Variants in SORBS2 observed in about 807,000 individuals in gnomAD.
The protein encoded by SORBS2 is sorbin and SH3 domain-containing protein 2.
Under a neutral mutation model 97.7 loss-of-function variants are expected in SORBS2, and 46 were observed. That is an observed-to-expected ratio of 0.47 (90% CI 0.37 to 0.60). The LOEUF (loss-of-function observed/expected upper bound fraction) is 0.60, where lower values mean the gene tolerates loss of function less well. SORBS2 is among the 20% of genes least tolerant of loss of function. SORBS2 has a pLI of 0.00. For missense variants in SORBS2, 1,316 were observed against 1,282.3 expected, an observed-to-expected ratio of 1.03 and a Z score of -0.40; for synonymous variants, 476 against 473.4, an observed-to-expected ratio of 1.01 and a Z score of -0.07.
chr4:185,751,837 A>G (rs190349900), intron 2 of SORBS2, among the ~76,000 whole-genome samples: 6 of 152,254 alleles, frequency 3.9e-5, no homozygotes, highest in African/African-American at 1.4e-4. Context: ...AGCATCGCAA[A>G]CAAGCAGAGT....
At chr4:185,600,549 G>A (rs764754822) in intron 12 of SORBS2, among the ~76,000 whole-genome samples, 1 of 152,130 alleles carries the variant, frequency 6.6e-6, no homozygotes, top group Non-Finnish European at 1.5e-5. Flanking sequence ...ATGTTGGTCA[G>A]GCTGGTCTTG....
chr4:185,694,119 A>C (rs1348368309), intron 2 of SORBS2, among the ~76,000 whole-genome samples: 3 of 152,230 alleles, frequency 2.0e-5, no homozygotes, highest in Non-Finnish European at 4.4e-5. Flanking sequence ...GCACGATTCT[A>C]TTTCCCTTAT....
chr4:185,686,911 A>G (rs2153513280), intron 2 of SORBS2, among the ~76,000 whole-genome samples: 1 of 152,304 alleles, frequency 6.6e-6, no homozygotes, highest in South Asian at 2.1e-4. Flanking sequence ...CACTCAATGA[A>G]CTACTTGCTT....
chr4:185,830,229 A>C (rs1247299740), intron 1 of SORBS2, among the ~76,000 whole-genome samples: 1 of 152,206 alleles, frequency 6.6e-6, no homozygotes, highest in Non-Finnish European at 1.5e-5. Flanking sequence ...AAATAGTGAG[A>C]AAATGCACAT....
At position 185,936,186 on chromosome 4, in the gene SORBS2, G is replaced by A. The variant is rs138509591; in HGVS notation, c.-338+20010C>T. 9.1e-3 allele frequency among the ~76,000 whole-genome samples: 1,380 copies of A among 152,298 alleles called. 16 individuals are homozygous for A. The highest frequency in any genetic ancestry group is 0.02 in the Middle Eastern group (6 of 294). ...CGGTAAGTTTTCAATGAGGAGACACGTGCTATTCAAACTTAGTCCCATATT... is the reference window on the plus strand; with the variant it reads ...CGGTAAGTTTTCAATGAGGAGACACATGCTATTCAAACTTAGTCCCATATT... On this transcript the variant is annotated intron_variant, in intron 1 of 20. Coordinates refer to the SORBS2 transcript ENST00000284776.
chr4:185,621,115 C>T (rs909067129), intron 7 of SORBS2, among the ~76,000 whole-genome samples: 1 of 152,194 alleles, frequency 6.6e-6, no homozygotes, highest in Middle Eastern at 3.4e-3. Context: ...TTAAATATAT[C>T]TAGTTATCCA....
At chr4:185,608,468 A>G (rs1293737313) in intron 12 of SORBS2, among the ~76,000 whole-genome samples, 1 of 151,616 alleles carries the variant, frequency 6.6e-6, no homozygotes, top group African/African-American at 2.4e-5. Flanking sequence ...TATGTAAATC[A>G]GAGGAGGTAT....
intron 1 of SORBS2, among the ~76,000 whole-genome samples, chr4:185,915,781 A>G (rs1420867215): frequency 6.6e-6 from 1 of 152,212 alleles, no homozygotes; most frequent in Non-Finnish European, 1.5e-5. Flanking sequence ...GCAAAGCAAG[A>G]TAAGTGCTCT....
At chr4:185,679,291 A>C (rs1433372891) in intron 2 of SORBS2, among the ~76,000 whole-genome samples, 1 of 152,124 alleles carries the variant, frequency 6.6e-6, no homozygotes, top group African/African-American at 2.4e-5. Context: ...GAAACTGTAG[A>C]CCTGTCTACC....
chr4:185,923,184 T>C (rs1224547081), intron 1 of SORBS2, among the ~76,000 whole-genome samples: 1 of 152,234 alleles, frequency 6.6e-6, no homozygotes, highest in East Asian at 1.9e-4. Context: ...TCCCATCTTC[T>C]TCTATAGTCT....
At position 185,811,842 on chromosome 4, in the gene SORBS2, C is replaced by T. The variant is rs930557407; in HGVS notation, c.-337-36476G>A. On this transcript the variant is annotated intron_variant, in intron 1 of 20. It removes an upstream start codon present in the reference 5' UTR. Transcript: ENST00000284776. ...CACCTGCTTTTTCAGACCTGCCGCT[C>T]ATATGCCACAGCCACGCACAGGACC... 1 of 152,574 alleles carries T rather than the reference C, an allele frequency of 6.6e-6. No individual in the cohort carries two copies. The highest frequency in any genetic ancestry group is 1.5e-5 in the Non-Finnish European group (1 of 68,246). The allele number at this position is 152,574 out of a possible 1,614,324, so 9.5% of individuals were successfully genotyped here.
intron 4 of SORBS2, among the ~76,000 whole-genome samples, chr4:185,664,105 C>A (rs931350670): frequency 1.3e-5 from 2 of 151,864 alleles, no homozygotes; most frequent in African/African-American, 4.8e-5. Context: ...CCACCCACCT[C>A]GGCCTCCCAA....
intron 1 of SORBS2, among the ~76,000 whole-genome samples, chr4:185,944,343 A>G (rs1024117605): frequency 6.6e-6 from 1 of 152,202 alleles, no homozygotes; most frequent in Non-Finnish European, 1.5e-5. Flanking sequence ...ATTGACATCA[A>G]TGTGATGTCA....
chr4:185,647,429 T>TC (rs2097228758), intron 3 of SORBS2, among the ~76,000 whole-genome samples: 1 of 150,782 alleles, frequency 6.6e-6, no homozygotes, highest in Non-Finnish European at 1.5e-5. Context: ...TTTTTTTTTT[T>TC]CGAGACAGAG....
intron 3 of SORBS2, among the ~76,000 whole-genome samples, chr4:185,648,263 A>G (rs2153456806): frequency 6.6e-6 from 1 of 152,228 alleles, no homozygotes; most frequent in East Asian, 1.9e-4. Context: ...CACGCCTGTA[A>G]TCCTAGCACT....
intron 1 of SORBS2, among the ~76,000 whole-genome samples, chr4:185,779,223 G>A (rs763680729): frequency 6.6e-6 from 1 of 152,048 alleles, no homozygotes. Flanking sequence ...GCCTGGGTTC[G>A]AATCCTCATC....
At chr4:185,645,401 T>C (rs1366739067) in intron 4 of SORBS2, among the ~76,000 whole-genome samples, 2 of 152,246 alleles carry the variant, frequency 1.3e-5, no homozygotes, top group Admixed American at 6.5e-5. Flanking sequence ...CAGTGATTTT[T>C]TTTTTCTTTC....
intron 1 of SORBS2, among the ~76,000 whole-genome samples, chr4:185,860,218 T>C (rs1295927982): frequency 2.0e-5 from 3 of 152,332 alleles, no homozygotes; most frequent in Non-Finnish European, 4.4e-5. Flanking sequence ...CCTATAAGTC[T>C]CAAAGACTGC....
At chr4:185,897,353 G>A (rs1038355458) in intron 1 of SORBS2, among the ~76,000 whole-genome samples, 2 of 152,178 alleles carry the variant, frequency 1.3e-5, no homozygotes, top group South Asian at 4.2e-4. Flanking sequence ...GCAAGAATCT[G>A]GACAGACAGG....
Sources: allele counts gnomAD v4.1 joint callset (sites outside exome capture counted in the v4.1 genomes callset), GRCh38; gene constraint gnomAD v4.1.1; transcripts MANE v1.5; gene names NCBI Gene and HGNC (gene_info 2026-07-23, HGNC 2026-07-21).